Variants in ERC1 observed in about 807,000 individuals in gnomAD.
ERC1 encodes ELKS/RAB6-interacting/CAST family member 1.
ERC1 carries 56 observed loss-of-function variants against 132.0 expected under a neutral mutation model. The observed-to-expected ratio is 0.42, with a 90% CI of 0.34 to 0.53. The LOEUF is 0.53. ERC1 is among the 20% of genes least tolerant of loss of function. ERC1 has a pLI of 0.03. For missense variants in ERC1, 1,202 were observed against 1,349.9 expected (o/e 0.89, Z 1.72); for synonymous variants, 478 against 476.1 (o/e 1.00, Z -0.05).
intron 12 of ERC1, among the ~76,000 whole-genome samples, chr12:1,228,499 T>A (rs979238224): frequency 6.6e-6 from 1 of 152,194 alleles, no homozygotes; most frequent in Non-Finnish European, 1.5e-5. Flanking sequence ...AGACAGTTTA[T>A]CTTGTATTTT....
chr12:1,116,475 CT>C (rs1261009083), intron 7 of ERC1, among the ~76,000 whole-genome samples: 1 of 151,980 alleles, frequency 6.6e-6, no homozygotes, highest in African/African-American at 2.4e-5. Context: ...AAACTGGAAT[CT>C]GTTAAAGTTC....
chr12:1,376,367 C>T (rs7299811), intron 16 of ERC1, among the ~76,000 whole-genome samples: 3,425 of 151,916 alleles, frequency 0.023, 114 homozygotes, highest in African/African-American at 0.077. Flanking sequence ...TCCCAAGCTA[C>T]ATCCCATCTC....
At chr12:1,126,986 C>CAAAAAAAAAAAAAAAAAAAAAAAA (rs71055135) in intron 7 of ERC1, among the ~76,000 whole-genome samples, 3 of 114,214 alleles carry the variant, frequency 2.6e-5, no homozygotes, top group African/African-American at 4.3e-5. Flanking sequence ...GATTCTGTCT[C>CAAAAAAAAAAAAAAAAAAAAAAAA]AAAAAAAAAA....
At chr12:1,449,090 C>A (rs913975815) in intron 18 of ERC1, among the ~76,000 whole-genome samples, 1 of 152,198 alleles carries the variant, frequency 6.6e-6, no homozygotes, top group Non-Finnish European at 1.5e-5. Flanking sequence ...TTGCCTGGGG[C>A]CTGTAGTCTC....
intron 15 of ERC1, among the ~76,000 whole-genome samples, chr12:1,295,592 A>G (rs1207320568): frequency 6.6e-6 from 1 of 152,190 alleles, no homozygotes; most frequent in African/African-American, 2.4e-5. Context: ...TAGCTGAGAT[A>G]ACACAAAAGA....
At chr12:1,363,921 T>C (rs996957458) in intron 15 of ERC1, among the ~76,000 whole-genome samples, 1 of 152,314 alleles carries the variant, frequency 6.6e-6, no homozygotes, top group Non-Finnish European at 1.5e-5. Flanking sequence ...AAACATGAGA[T>C]GAGCAGCAAG....
At chr12:1,356,213 A>ATGTGTGTGTGTGT (rs1491368587) in intron 15 of ERC1, among the ~76,000 whole-genome samples, 2 of 130,010 alleles carry the variant, frequency 1.5e-5, no homozygotes. Context: ...AAAAAAAAAA[A>ATGTGTGTGTGTGT]GTGTGTGTGT....
At chr12:1,285,282 G>T (rs530071838) in intron 14 of ERC1, among the ~76,000 whole-genome samples, 2 of 152,050 alleles carry the variant, frequency 1.3e-5, no homozygotes, top group South Asian at 4.2e-4. Context: ...TTGAACATTG[G>T]GTTTTATATC....
At chr12:1,030,514 A>G (rs1196204129) in intron 2 of ERC1, among the ~76,000 whole-genome samples, 1 of 152,190 alleles carries the variant, frequency 6.6e-6, no homozygotes, top group Non-Finnish European at 1.5e-5. Context: ...GGTTAAGGCC[A>G]GGAGTTTGAG....
At chr12:1,130,609 T>C (rs201912221) in intron 7 of ERC1, among the ~76,000 whole-genome samples, 3 of 147,910 alleles carry the variant, frequency 2.0e-5, no homozygotes, top group East Asian at 4.0e-4. Context: ...TTTTTCAGAA[T>C]ATAAATTTGC....
intron 15 of ERC1, among the ~76,000 whole-genome samples, chr12:1,356,118 C>T (rs1047425308): frequency 6.6e-6 from 1 of 151,300 alleles, no homozygotes; most frequent in South Asian, 2.1e-4. Flanking sequence ...ATGGGAGGAT[C>T]GCTTGAGCCT....
intron 16 of ERC1, among the ~76,000 whole-genome samples, chr12:1,397,722 G>A (rs1263654691): frequency 6.6e-6 from 1 of 151,876 alleles, no homozygotes; most frequent in East Asian, 1.9e-4. Flanking sequence ...GAGGAGACAG[G>A]GGTGGAAGCA....
intron 14 of ERC1, among the ~76,000 whole-genome samples, chr12:1,269,169 A>G (rs1365354429): frequency 2.6e-5 from 4 of 152,256 alleles, no homozygotes; most frequent in African/African-American, 9.6e-5. Flanking sequence ...TTCATGCCTG[A>G]GACCTTACAG....
chr12:1,133,759 A>C (rs527645277), intron 7 of ERC1, among the ~76,000 whole-genome samples: 15 of 152,276 alleles, frequency 9.9e-5, no homozygotes, highest in African/African-American at 3.6e-4. Context: ...TACTCGTTTT[A>C]TAACTGAGGG....
chr12:1,068,181 C>CG (rs1939614006), intron 2 of ERC1, among the ~76,000 whole-genome samples: 1 of 132,240 alleles, frequency 7.6e-6, no homozygotes, highest in South Asian at 2.4e-4. Flanking sequence ...CTGCCCACCT[C>CG]GGCCTCCCAA....
Position 1,183,420 on chromosome 12 carries a change from A to C in ERC1, c.2156A>C (p.Lys719Thr). 6.4e-7 allele frequency: 1 copy of C among 1,555,432 alleles called. No individual in the cohort carries two copies. Among genetic ancestry groups the C allele is most frequent in the Non-Finnish European group, 8.8e-7 (1 of 1,141,592 alleles). ...CTGAAAATGGAATCACAATTGAAAAAGGTTAAAGAAAAAATTTCACATTTT... is the reference window on the plus strand; with the variant it reads ...CTGAAAATGGAATCACAATTGAAAACGGTTAAAGAAAAAATTTCACATTTT... ...ECLKMESQLK[K>T]AHEAALEARA... is the part of the protein sequence containing the mutation. Residue 719 changes from lysine (K) to threonine (T), a missense_variant and splice_region_variant, in exon 11 of 19, where the codon AAG (lysine) becomes ACG (threonine). By Grantham distance (78) the Lys-to-Thr change is moderately conservative (BLOSUM62 -1). Transcript: ENST00000360905.
rs1421803322 is a variant in ERC1, at chr12:1,093,273, TTGTTGTTTGACC to T, written c.1086+9694_1086+9705del. ...ATTTTCTGTTTGTACTCAAATCACATTGTTGTTTGACCGCTTATTCTTAGCTTTTGTATTATT... is the reference window on the plus strand; with the variant it reads ...ATTTTCTGTTTGTACTCAAATCACATGCTTATTCTTAGCTTTTGTATTATT... On this transcript the variant is annotated intron_variant, in intron 3 of 18. Transcript: ENST00000360905. Among the ~76,000 whole-genome samples, 17 of 147,492 alleles carry T rather than the reference TTGTTGTTTGACC, an allele frequency of 1.2e-4. No homozygotes were observed. The East Asian group carries it at 2.5e-3, about 22-fold the overall frequency.
chr12:1,150,555 A>G (rs1253106496), intron 8 of ERC1, among the ~76,000 whole-genome samples: 3 of 152,198 alleles, frequency 2.0e-5, no homozygotes, highest in South Asian at 2.1e-4. Context: ...TGATGAGTCA[A>G]CATCTTAAGA....
At chr12:1,076,129 ACT>A (rs1398665387) in intron 2 of ERC1, among the ~76,000 whole-genome samples, 1 of 151,806 alleles carries the variant, frequency 6.6e-6, no homozygotes, top group Non-Finnish European at 1.5e-5. Context: ...ATAGGTTATA[ACT>A]CTTATGTTTT....
Sources: gnomAD v4.1 joint callset for allele counts (sites outside exome capture counted in the v4.1 genomes callset) on GRCh38, gnomAD v4.1.1 for gene constraint, MANE v1.5 for transcripts, NCBI Gene and HGNC (gene_info 2026-07-23, HGNC 2026-07-21) for gene names.